Variants in ABCC4 observed in about 807,000 individuals in gnomAD.
The protein encoded by ABCC4 is ATP binding cassette subfamily C member 4 (PEL blood group), also known as ATP-binding cassette sub-family C member 4.
A neutral mutation model predicts 168.5 loss-of-function variants in ABCC4; 102 were observed. The ratio of observed to expected loss-of-function variants is 0.61; its 90% CI spans 0.52 to 0.71. The LOEUF is 0.71. Ranked by LOEUF, ABCC4 falls within the 30% of genes least tolerant of loss-of-function variation. The pLI is 0.00. For missense variants in ABCC4, 1,402 were observed against 1,605.8 expected (o/e 0.87, Z 2.17); for synonymous variants, 617 against 590.7 (o/e 1.04, Z -0.65).
intron 25 of ABCC4, among the ~76,000 whole-genome samples, chr13:95,070,359 G>A (rs1418534073): frequency 6.6e-6 from 1 of 152,172 alleles, no homozygotes; most frequent in Non-Finnish European, 1.5e-5. Flanking sequence ...TGGGGAGAAG[G>A]AGGGCACCCT....
chr13:95,126,720 A>AATATATATATATATATATATATATATAT lies in ABCC4; in HGVS notation c.2456-10747_2456-10720dup, dbSNP rs71111594. On this transcript the variant is annotated intron_variant, in intron 19 of 30. Coordinates refer to ENST00000645237, the MANE Select transcript of ABCC4 (RefSeq NM_005845.5). ...ATAAAAATGCATGAACTTTTTTTGG[A>AATATATATATATATATATATATATATAT]ATATATATATATATATATATATATA... Among the ~76,000 whole-genome samples, 3 of 81,670 alleles carry AATATATATATATATATATATATATATAT rather than the reference A, an allele frequency of 3.7e-5. 1 individual carries two copies. Among genetic ancestry groups the AATATATATATATATATATATATATATAT allele is most frequent in the Admixed American group, 1.8e-4 (1 of 5,536 alleles). The allele number at this position is 81,670 out of a possible 152,430, so 53.6% of individuals were successfully genotyped here.
At chr13:95,195,942 T>C (rs1340294052) in intron 8 of ABCC4, among the ~76,000 whole-genome samples, 6 of 152,288 alleles carry the variant, frequency 3.9e-5, no homozygotes, top group Non-Finnish European at 5.9e-5. Context: ...CCTACACTTA[T>C]CTTTTTTCCT....
chr13:95,206,841 G>C, intron 7 of ABCC4, 60 bp from the exon 8 acceptor site: 1 of 1,572,610 alleles, frequency 6.4e-7, no homozygotes, highest in Non-Finnish European at 8.7e-7. Flanking sequence ...AGTGGCTCAC[G>C]CCTGCAATCT....
At chr13:95,172,415 A>G (rs1193093654) in intron 13 of ABCC4, among the ~76,000 whole-genome samples, 1 of 152,036 alleles carries the variant, frequency 6.6e-6, no homozygotes, top group African/African-American at 2.4e-5. Context: ...CACTAAAAAT[A>G]CAAAAATTAG....
intron 27 of ABCC4, among the ~76,000 whole-genome samples, chr13:95,045,249 A>G (rs532050379): frequency 4.3e-4 from 66 of 152,366 alleles, no homozygotes; most frequent in African/African-American, 1.3e-3. Flanking sequence ...ACGAGTGAGT[A>G]TAACTCAAGG....
At chr13:95,030,170 G>A (rs1456108879) in intron 30 of ABCC4, among the ~76,000 whole-genome samples, 6 of 152,010 alleles carry the variant, frequency 3.9e-5, no homozygotes, top group South Asian at 4.2e-4. Context: ...ACAAGCATGC[G>A]CCACCATGCC....
chr13:95,175,395 C>T (rs904420007), intron 13 of ABCC4, among the ~76,000 whole-genome samples: 2 of 152,162 alleles, frequency 1.3e-5, no homozygotes, highest in African/African-American at 4.8e-5. Context: ...TCACTGCAAC[C>T]TCCACCTCCT....
At chr13:95,208,208 C>T (rs1384468176) in intron 6 of ABCC4, among the ~76,000 whole-genome samples, 1 of 151,628 alleles carries the variant, frequency 6.6e-6, no homozygotes, top group African/African-American at 2.4e-5. Context: ...CACAGGTGGG[C>T]AGGAAAGGCA....
chr13:95,026,973 C>T (rs2031582544), intron 30 of ABCC4, among the ~76,000 whole-genome samples: 1 of 151,904 alleles, frequency 6.6e-6, no homozygotes, highest in Non-Finnish European at 1.5e-5. Flanking sequence ...TATGAACAGA[C>T]AACACGAGAA....
At chr13:95,269,580 A>G (rs926861379) in intron 1 of ABCC4, among the ~76,000 whole-genome samples, 10 of 152,124 alleles carry the variant, frequency 6.6e-5, no homozygotes, top group African/African-American at 2.2e-4. Flanking sequence ...AACAGGGACC[A>G]GCAAAATCTT....
At chr13:95,182,927 T>C (rs1001091470) in intron 11 of ABCC4, among the ~76,000 whole-genome samples, 3 of 152,202 alleles carry the variant, frequency 2.0e-5, no homozygotes. Context: ...TAAATGTGAA[T>C]TACTACTTCC....
At chr13:95,140,568 T>C (rs755989960) in intron 19 of ABCC4, among the ~76,000 whole-genome samples, 3 of 152,112 alleles carry the variant, frequency 2.0e-5, no homozygotes, top group Non-Finnish European at 4.4e-5. Flanking sequence ...AATTTCTGTA[T>C]AAGGAGAAAA....
At chr13:95,222,720 G>T (rs2039342372) in intron 4 of ABCC4, among the ~76,000 whole-genome samples, 1 of 152,170 alleles carries the variant, frequency 6.6e-6, no homozygotes, top group South Asian at 2.1e-4. Flanking sequence ...TAACACACCT[G>T]GCATACGGTT....
At chr13:95,040,357 G>A (rs764044670) in intron 29 of ABCC4, among the ~76,000 whole-genome samples, 6 of 152,078 alleles carry the variant, frequency 3.9e-5, no homozygotes, top group African/African-American at 9.7e-5. Context: ...TCAGCCTCCC[G>A]AGTAGCTGGG....
chr13:95,141,459 G>A (rs930066614), intron 19 of ABCC4, among the ~76,000 whole-genome samples: 1 of 152,034 alleles, frequency 6.6e-6, no homozygotes, highest in Non-Finnish European at 1.5e-5. Flanking sequence ...AGAATCCTCT[G>A]AGGTGCAGTA....
At chr13:95,218,938 A>AAAGAAAG (rs1555332694) in intron 4 of ABCC4, among the ~76,000 whole-genome samples, 2 of 29,274 alleles carry the variant, frequency 6.8e-5, no homozygotes, top group Non-Finnish European at 1.7e-4. Context: ...AGAAAGAAAG[A>AAAGAAAG]AAGAAAGAAA....
intron 14 of ABCC4, among the ~76,000 whole-genome samples, chr13:95,167,213 A>C (rs1280677188): frequency 6.1e-5 from 9 of 147,214 alleles, no homozygotes; most frequent in African/African-American, 2.2e-4. Context: ...TAAATAAATA[A>C]ATAAATAATT....
At chr13:95,175,868 T>C (rs1017051427) in intron 13 of ABCC4, among the ~76,000 whole-genome samples, 2 of 152,082 alleles carry the variant, frequency 1.3e-5, no homozygotes, top group Non-Finnish European at 1.5e-5. Context: ...CCTGTGGCAT[T>C]TTGTGAGGGC....
At chr13:95,048,976 T>G (rs1052164748) in intron 27 of ABCC4, among the ~76,000 whole-genome samples, 1 of 152,218 alleles carries the variant, frequency 6.6e-6, no homozygotes, top group Non-Finnish European at 1.5e-5. Context: ...TCTAGTAAAC[T>G]TTCTTCCATT....
Sources: allele counts gnomAD v4.1 joint callset (sites outside exome capture counted in the v4.1 genomes callset), GRCh38; gene constraint gnomAD v4.1.1; transcripts MANE v1.5; gene names NCBI Gene and HGNC (gene_info 2026-07-23, HGNC 2026-07-21).